The following FAM135B variants were observed in gnomAD, a reference collection of about 807,000 sequenced individuals.
The protein encoded by FAM135B is family with sequence similarity 135 member B.
A neutral mutation model predicts 127.7 loss-of-function variants in FAM135B; 43 were observed. The observed-to-expected ratio is 0.34, with a 90% CI of 0.26 to 0.43. The LOEUF (loss-of-function observed/expected upper bound fraction) is 0.43, where lower values mean the gene tolerates loss of function less well. FAM135B is among the 20% of genes least tolerant of loss of function. The pLI is 1.00. For missense variants in FAM135B, 1,558 were observed against 1,725.6 expected (o/e 0.90, Z 1.72); for synonymous variants, 670 against 665.1 (o/e 1.01, Z -0.11).
At position 138,493,000 on chromosome 8, in the gene FAM135B, C is replaced by T. The variant is rs536499103; in HGVS notation, c.-20+3671G>A. ...CAGGGCAGGCTACTTATGCAAATGC[C>T]CTGTACCAGGCACATCACAGCACCA... On this transcript the variant is annotated intron_variant, in intron 1 of 19. Coordinates refer to ENST00000395297, the MANE Select transcript of FAM135B (RefSeq NM_015912.4). 2.0e-5 allele frequency among the ~76,000 whole-genome samples: 3 copies of T among 152,194 alleles called. No individual in the cohort carries two copies. The South Asian group carries it at 6.2e-4, about 32-fold the overall frequency.
chr8:138,475,784 G>A (rs1481316087), intron 1 of FAM135B, among the ~76,000 whole-genome samples: 1 of 152,196 alleles, frequency 6.6e-6, no homozygotes, highest in Admixed American at 6.5e-5. Context: ...TGGTGGAAAT[G>A]CAAAGTGGTA....
chr8:138,464,698 G>A (rs946040812), intron 1 of FAM135B, among the ~76,000 whole-genome samples: 6 of 152,162 alleles, frequency 3.9e-5, no homozygotes, highest in African/African-American at 1.2e-4. Context: ...AGATCCTTGC[G>A]GCTGGATGAC....
intron 2 of FAM135B, among the ~76,000 whole-genome samples, chr8:138,319,721 A>G (rs576966302): frequency 9.8e-5 from 15 of 152,318 alleles, no homozygotes; most frequent in African/African-American, 3.4e-4. Context: ...GGTAGGCATA[A>G]TAATACCCCC....
At position 138,354,349 on chromosome 8, in the gene FAM135B, T is replaced by C. The variant is rs537065589; in HGVS notation, c.77+13558A>G. 5.3e-5 allele frequency among the ~76,000 whole-genome samples: 8 copies of C among 152,266 alleles called. No individual in the cohort carries two copies. In the East Asian group the frequency reaches 1.5e-3, roughly 29 times the overall value. ...AACAAAACACTTGTATGCAGTACTC[T>C]TGAAAACCCTAGCACTACCCAGGAG... On this transcript the variant is annotated intron_variant, in intron 2 of 19. Transcript: ENST00000395297.
intron 14 of FAM135B, among the ~76,000 whole-genome samples, chr8:138,146,427 C>A (rs933228114): frequency 2.6e-5 from 4 of 152,130 alleles, no homozygotes; most frequent in Non-Finnish European, 5.9e-5. Flanking sequence ...GCGACTCATA[C>A]GAGCCCCATC....
chr8:138,355,772 T>G (rs1321834633), intron 2 of FAM135B, among the ~76,000 whole-genome samples: 3 of 152,152 alleles, frequency 2.0e-5, no homozygotes, highest in African/African-American at 7.2e-5. Flanking sequence ...GCATAGCATT[T>G]AAGAAATAGG....
chr8:138,357,325 G>A (rs759975292), intron 2 of FAM135B, among the ~76,000 whole-genome samples: 3 of 152,006 alleles, frequency 2.0e-5, no homozygotes, highest in Non-Finnish European at 4.4e-5. Flanking sequence ...AATTATAATA[G>A]AATCACATGA....
intron 18 of FAM135B, among the ~76,000 whole-genome samples, chr8:138,138,520 AC>A (rs1175716412): frequency 6.6e-6 from 1 of 152,100 alleles, no homozygotes; most frequent in Non-Finnish European, 1.5e-5. Flanking sequence ...GGTCTTCAAC[AC>A]CTCTATGCAC....
chr8:138,246,585 C>T (rs1399013292), intron 6 of FAM135B, among the ~76,000 whole-genome samples: 1 of 152,188 alleles, frequency 6.6e-6, no homozygotes, highest in East Asian at 1.9e-4. Flanking sequence ...TATGGAAACT[C>T]CTGGATGTCC....
At chr8:138,493,360 CT>C (rs1370346160) in intron 1 of FAM135B, among the ~76,000 whole-genome samples, 1 of 152,112 alleles carries the variant, frequency 6.6e-6, no homozygotes, top group Non-Finnish European at 1.5e-5. Context: ...CCATGACCAT[CT>C]TCTTAGTTCT....
chr8:138,158,560 T>A (rs1210509602), intron 12 of FAM135B, among the ~76,000 whole-genome samples: 1 of 152,084 alleles, frequency 6.6e-6, no homozygotes, highest in African/African-American at 2.4e-5. Flanking sequence ...AGGGCTAAGA[T>A]CAAGAATCTA....
chr8:138,481,128 T>A (rs1432353519), intron 1 of FAM135B, among the ~76,000 whole-genome samples: 2 of 152,198 alleles, frequency 1.3e-5, no homozygotes, highest in Non-Finnish European at 2.9e-5. Flanking sequence ...CTCAACAGCA[T>A]CCGCAGCACA....
chr8:138,179,756 T>A (rs755335402), intron 9 of FAM135B, among the ~76,000 whole-genome samples: 5 of 152,124 alleles, frequency 3.3e-5, no homozygotes, highest in Non-Finnish European at 5.9e-5. Context: ...TGCAGTGGTG[T>A]GATCATGGCT....
rs578059925 is a variant in FAM135B, at chr8:138,254,843, G to A, written c.368+1846C>T. 8.5e-5 allele frequency among the ~76,000 whole-genome samples: 13 copies of A among 152,136 alleles called. No individual in the cohort carries two copies. The South Asian group carries it at 2.1e-3, about 24-fold the overall frequency. ...CCCAGGTACCAGGCAAGACATCAGC[G>A]GATGCCCCTTCTCAATTCCCATACA... On this transcript the variant is annotated intron_variant, in intron 5 of 19. Coordinates refer to ENST00000395297, the MANE Select transcript of FAM135B (RefSeq NM_015912.4).
chr8:138,304,599 G>C (rs2130861058), intron 3 of FAM135B, among the ~76,000 whole-genome samples: 1 of 152,274 alleles, frequency 6.6e-6, no homozygotes, highest in African/African-American at 2.4e-5. Context: ...GGAAGGGGTA[G>C]GCATTCAAAG....
chr8:138,488,378 G>A (rs1163565130), intron 1 of FAM135B, among the ~76,000 whole-genome samples: 1 of 151,432 alleles, frequency 6.6e-6, no homozygotes, highest in Non-Finnish European at 1.5e-5. Context: ...CAAATAAACC[G>A]ATGCATCTCT....
At chr8:138,345,721 T>G (rs1419108105) in intron 2 of FAM135B, among the ~76,000 whole-genome samples, 1 of 151,748 alleles carries the variant, frequency 6.6e-6, no homozygotes, top group African/African-American at 2.4e-5. Flanking sequence ...GAGGGGAGAG[T>G]ATCTTCTGAC....
chr8:138,236,387 AACACACACACATAC>A (rs1225686586), intron 7 of FAM135B, among the ~76,000 whole-genome samples: 3 of 141,714 alleles, frequency 2.1e-5, no homozygotes, highest in African/African-American at 8.3e-5. Flanking sequence ...ATGGATAAAG[AACACACACACATAC>A]ACACACACAC....
intron 1 of FAM135B, among the ~76,000 whole-genome samples, chr8:138,417,402 C>T (rs1302319473): frequency 6.6e-6 from 1 of 152,180 alleles, no homozygotes; most frequent in Non-Finnish European, 1.5e-5. Context: ...AACCCTCTCC[C>T]CATGCTGCTT....
Sources: allele counts gnomAD v4.1 joint callset (sites outside exome capture counted in the v4.1 genomes callset), GRCh38; gene constraint gnomAD v4.1.1; transcripts MANE v1.5; gene names NCBI Gene and HGNC (gene_info 2026-07-23, HGNC 2026-07-21).